The following LIN54 variants were observed in gnomAD, a reference collection of about 807,000 sequenced individuals.
The protein encoded by LIN54 is protein lin-54 homolog.
A neutral mutation model predicts 78.7 loss-of-function variants in LIN54; 9 were observed. The observed-to-expected ratio is 0.11, with a 90% CI of 0.07 to 0.20. The LOEUF (loss-of-function observed/expected upper bound fraction) is 0.20, where lower values mean the gene tolerates loss of function less well. LIN54 is among the 10% of genes least tolerant of loss of function. The probability of loss-of-function intolerance (pLI) is 1.00; values close to 1 mark genes in which losing one functional copy is unlikely to be tolerated. For synonymous variants in LIN54, 269 were observed against 318.4 expected (o/e 0.84, Z 1.65); for missense variants, 573 against 889.9 (o/e 0.64, Z 4.53).
intron 1 of LIN54, among the ~76,000 whole-genome samples, chr4:82,988,272 T>G (rs1229187432): frequency 1.3e-5 from 2 of 152,250 alleles, no homozygotes; most frequent in Non-Finnish European, 2.9e-5. Flanking sequence ...TATGTACTTA[T>G]GACATAAAGC....
intron 4 of LIN54, among the ~76,000 whole-genome samples, chr4:82,949,523 A>G (rs562994624): frequency 7.2e-5 from 11 of 152,162 alleles, no homozygotes; most frequent in Admixed American, 3.3e-4. Flanking sequence ...CAGCCTCCCA[A>G]GTAGCTGGGA....
At chr4:82,932,049 T>G (rs1283734568) in intron 11 of LIN54, among the ~76,000 whole-genome samples, 2 of 152,104 alleles carry the variant, frequency 1.3e-5, no homozygotes, top group African/African-American at 2.4e-5. Flanking sequence ...CTGAGTTAGA[T>G]TTCTAGAATT....
At position 82,946,387 on chromosome 4, in the gene LIN54, T is replaced by C. The variant is rs770584110; in HGVS notation, c.1039A>G (p.Asn347Asp). ...KTIIPLATAP[N>D]VQQIQVPGSK... The stretch of plus-strand genomic sequence containing the variant: ...CCAGGCACTTGAATCTGCTGGACAT[T>C]GGGAGCAGTTGCCAGAGGAATAATT... The change falls in exon 5 of 13, where the codon AAT becomes GAT. Residue 347 changes from asparagine to aspartate, a missense_variant. Asn to Asp is a conservative substitution (Grantham distance 23). Coordinates refer to ENST00000340417, the MANE Select transcript of LIN54 (RefSeq NM_194282.4). The C allele has an allele frequency of 8.7e-6, 14 of 1,614,080 alleles. No homozygotes were observed. Among genetic ancestry groups the C allele is most frequent in the Non-Finnish European group, 1.2e-5 (14 of 1,179,944 alleles).
At chr4:83,009,737 C>T (rs1484916744) in intron 1 of LIN54, among the ~76,000 whole-genome samples, 1 of 152,190 alleles carries the variant, frequency 6.6e-6, no homozygotes, top group Non-Finnish European at 1.5e-5. Context: ...ACAACAAATG[C>T]TTGCATCACC....
At chr4:82,985,934 C>T (rs181278311) in intron 1 of LIN54, among the ~76,000 whole-genome samples, 5 of 152,258 alleles carry the variant, frequency 3.3e-5, no homozygotes, top group African/African-American at 9.6e-5. Context: ...AAGCAGATTA[C>T]GAAAAACTTT....
At chr4:82,953,563 G>C (rs191434834) in intron 4 of LIN54, among the ~76,000 whole-genome samples, 72 of 152,164 alleles carry the variant, frequency 4.7e-4, no homozygotes, top group South Asian at 2.9e-3. Flanking sequence ...AGGTGTTTAA[G>C]ACCAGCCTGG....
chr4:82,997,730 A>G (rs1011575828), intron 1 of LIN54, among the ~76,000 whole-genome samples: 2 of 151,396 alleles, frequency 1.3e-5, no homozygotes, highest in Admixed American at 1.3e-4. Context: ...AAAATAAAAA[A>G]TAATGTAATC....
At chr4:82,984,125 T>G in intron 2 of LIN54, 36 bp downstream of exon 2, 1 of 1,434,626 alleles carries the variant, frequency 7.0e-7, no homozygotes, top group Non-Finnish European at 9.5e-7. Flanking sequence ...TTTTTAAACA[T>G]GCATTTTAAT....
At position 83,010,411 on chromosome 4, in the gene LIN54, C is replaced by G; in HGVS notation, c.-33+73G>C. 2 of 180,012 alleles carry G rather than the reference C, an allele frequency of 1.1e-5. 1 individual carries two copies. The highest frequency in any genetic ancestry group is 2.2e-5 in the Non-Finnish European group (2 of 91,630). 11.2% of individuals were successfully genotyped at this position (180,012 alleles called of 1,614,324 possible). ...CTTGATCCACCGCGCAATTCTTTCC[C>G]CACCCACCCCCATCCCCCCAAATAA... is the stretch of plus-strand genomic sequence containing the variant. On this transcript the variant is annotated intron_variant, in intron 1 of 12. Transcript: ENST00000340417.
intron 11 of LIN54, among the ~76,000 whole-genome samples, chr4:82,933,204 G>A (rs1442392045): frequency 6.6e-6 from 1 of 150,878 alleles, no homozygotes; most frequent in Non-Finnish European, 1.5e-5. Context: ...ACCTCAGAGT[G>A]GGGAAAACAT....
At chr4:82,940,667 C>CT (rs1420825483) in intron 5 of LIN54, among the ~76,000 whole-genome samples, 4 of 152,232 alleles carry the variant, frequency 2.6e-5, no homozygotes, top group African/African-American at 9.6e-5. Context: ...ACCCAAAGTG[C>CT]TGGGATTATA....
chr4:82,997,555 A>C (rs1001389892), intron 1 of LIN54, among the ~76,000 whole-genome samples: 1 of 152,086 alleles, frequency 6.6e-6, no homozygotes, highest in African/African-American at 2.4e-5. Flanking sequence ...AAATAAATAG[A>C]TGACTAACAT....
chr4:82,955,529 A>G (rs1451060777), intron 4 of LIN54, among the ~76,000 whole-genome samples: 4 of 152,190 alleles, frequency 2.6e-5, no homozygotes, highest in African/African-American at 9.7e-5. Context: ...ATCATTTCCA[A>G]ACTTATAAAG....
At chr4:82,936,229 C>CATATATATATATAAA in intron 10 of LIN54, 50 bp downstream of exon 10, 1 of 1,524,568 alleles carries the variant, frequency 6.6e-7, no homozygotes, top group South Asian at 1.1e-5. Context: ...TTTTATAAAA[C>CATATATATATATAAA]TGATGAAACT....
In LIN54 at chr4:82,937,102, G is replaced by A. The variant is rs538161769; in HGVS notation, c.1604+125C>T. 41 of 724,314 alleles carry A rather than the reference G, an allele frequency of 5.7e-5. No individual in the cohort carries two copies. In the African/African-American group the frequency reaches 6.9e-4, roughly 12 times the overall value. The allele number at this position is 724,314 out of a possible 1,614,324, so 44.9% of individuals were successfully genotyped here. A position where few individuals can be genotyped will look rare whatever the true frequency, so the allele number is the denominator to read the frequency against. Reference sequence around the variant, plus strand: ...GCCATATATGTTCAAACATTCATTTGTATGTTTATTTAAATTACTTAGACT... The same window carrying A: ...GCCATATATGTTCAAACATTCATTTATATGTTTATTTAAATTACTTAGACT... On this transcript the variant is annotated intron_variant, in intron 9 of 12. Transcript: ENST00000340417.
rs146139779 is a variant in LIN54, at chr4:82,973,811, A to G, written c.809-3342T>C. Among the ~76,000 whole-genome samples, 6 of 152,346 alleles carry G rather than the reference A, an allele frequency of 3.9e-5. No individual in the cohort carries two copies. In the East Asian group the frequency reaches 7.7e-4, roughly 20 times the overall value. ...CATAGAGAAAATCAACAGAAGACCCATGACTGAAAACCCAAGTTTCCCAAT... is the reference window on the plus strand; with the variant it reads ...CATAGAGAAAATCAACAGAAGACCCGTGACTGAAAACCCAAGTTTCCCAAT... On this transcript the variant is annotated intron_variant, in intron 3 of 12. Transcript: ENST00000340417.
chr4:82,995,425 A>G (rs1728110776), intron 1 of LIN54, among the ~76,000 whole-genome samples: 1 of 150,734 alleles, frequency 6.6e-6, no homozygotes, highest in African/African-American at 2.4e-5. Flanking sequence ...TTCCAGAGCC[A>G]GGATAGCTCA....
intron 1 of LIN54, among the ~76,000 whole-genome samples, chr4:82,993,815 C>T (rs1308512772): frequency 6.6e-6 from 1 of 151,968 alleles, no homozygotes; most frequent in Non-Finnish European, 1.5e-5. Context: ...GGGGTTGCAC[C>T]ATGTTGGTCA....
At chr4:83,008,288 T>C (rs1386649527) in intron 1 of LIN54, among the ~76,000 whole-genome samples, 1 of 152,180 alleles carries the variant, frequency 6.6e-6, no homozygotes, top group African/African-American at 2.4e-5. Context: ...GATATTGAGG[T>C]TATTTTATCC....
Sources: gnomAD v4.1 joint callset for allele counts (sites outside exome capture counted in the v4.1 genomes callset) on GRCh38, gnomAD v4.1.1 for gene constraint, MANE v1.5 for transcripts, NCBI Gene and HGNC (gene_info 2026-07-23, HGNC 2026-07-21) for gene names.